Variants in NECAB2 observed in about 807,000 individuals in gnomAD.
NECAB2 encodes the protein N-terminal EF-hand calcium binding protein 2.
A neutral mutation model predicts 51.9 loss-of-function variants in NECAB2; 68 were observed. The observed-to-expected ratio is 1.31, with a 90% CI of 1.08 to 1.60. NECAB2 has a LOEUF of 1.60. Among genes scored for constraint, NECAB2 ranks in the 40% most tolerant of loss-of-function variants. The probability of loss-of-function intolerance (pLI) is 0.00; values close to 1 mark genes in which losing one functional copy is unlikely to be tolerated. For missense variants in NECAB2, 854 were observed against 490.3 expected, an observed-to-expected ratio of 1.74 and a Z score of -7.00; for synonymous variants, 329 against 203.5, an observed-to-expected ratio of 1.62 and a Z score of -5.25.
intron 5 of NECAB2, among the ~76,000 whole-genome samples, chr16:83,985,474 A>G (rs1446803067): frequency 1.3e-5 from 2 of 151,506 alleles, no homozygotes; most frequent in East Asian, 1.9e-4. Flanking sequence ...CTCTACTAAA[A>G]ATACAAAAAT....
At position 84,001,850 on chromosome 16, in the gene NECAB2, G is replaced by A. The variant is rs2084843379; in HGVS notation, c.1066G>A (p.Ala356Thr). Residue 356 changes from alanine (A) to threonine (T), a missense_variant, in exon 12 of 13, where the codon GCG becomes ACG. Transcript: ENST00000305202. ...GCACCTGCAGAGCCCCCTGTGTAAG[G>A]CGTTCCGGCACGTCAAGGTGGACAC... ...KRHLQSPLCKAFRHVKVDTLS... is the reference protein window; with the variant it reads ...KRHLQSPLCKTFRHVKVDTLS... The A allele has an allele frequency of 1.2e-6, 2 of 1,614,126 alleles. No individual in the cohort carries two copies. The highest frequency in any genetic ancestry group is 4.5e-5 in the East Asian group (2 of 44,880).
chr16:83,968,004 G>T (rs890009010), upstream of NECAB2, among the ~76,000 whole-genome samples: 1 of 151,512 alleles, frequency 6.6e-6, no homozygotes, highest in Non-Finnish European at 1.5e-5. Flanking sequence ...ATGGATGGAC[G>T]GACAGGTGGG....
At chr16:83,976,031 G>A (rs549520427) in intron 2 of NECAB2, among the ~76,000 whole-genome samples, 1 of 152,260 alleles carries the variant, frequency 6.6e-6, no homozygotes, top group South Asian at 2.1e-4. Flanking sequence ...GTGTGCCGAG[G>A]GGGCACCTTG....
intron 2 of NECAB2, among the ~76,000 whole-genome samples, chr16:83,972,490 G>A (rs1226404554): frequency 3.9e-5 from 6 of 152,192 alleles, no homozygotes; most frequent in African/African-American, 1.4e-4. Flanking sequence ...TAGCTGGGCT[G>A]GACCAGAGGA....
Position 84,000,722 on chromosome 16 carries a change from A to G in NECAB2, c.963-2A>G, listed in dbSNP as rs2151103403. ...CCTCCCCCCGACCATCTCCTGTTGCAGCATCACTGCCGTGAGGCTCTCAGA... is the reference window on the plus strand; with the variant it reads ...CCTCCCCCCGACCATCTCCTGTTGCGGCATCACTGCCGTGAGGCTCTCAGA... On this transcript the variant is annotated splice_acceptor_variant, in intron 10 of 12. Coordinates refer to ENST00000305202, the MANE Select transcript of NECAB2 (RefSeq NM_019065.3). LOFTEE classifies it high-confidence loss of function. 2 of 1,613,796 alleles carry G rather than the reference A, an allele frequency of 1.2e-6. No individual in the cohort carries two copies. Among genetic ancestry groups the G allele is most frequent in the South Asian group, 2.2e-5 (2 of 91,068 alleles).
chr16:83,983,884 GTC>G (rs1285705333), intron 5 of NECAB2, among the ~76,000 whole-genome samples: 1 of 151,960 alleles, frequency 6.6e-6, no homozygotes, highest in Non-Finnish European at 1.5e-5. Context: ...TAACGCTTGG[GTC>G]TCAGTGTTAA....
At position 84,000,740 on chromosome 16, in the gene NECAB2, C is replaced by G. The variant is rs1047210739; in HGVS notation, c.979C>G (p.Leu327Val). ...RNCFHITAVR[L>V]SDGFTFVIYE... Reference sequence around the variant, plus strand: ...CTGTTGCAGCATCACTGCCGTGAGGCTCTCAGATGGCTTCACCTTTGTCAT... The same window carrying G: ...CTGTTGCAGCATCACTGCCGTGAGGGTCTCAGATGGCTTCACCTTTGTCAT... Residue 327 changes from leucine to valine, a missense_variant, in exon 11 of 13, where the codon CTC (leucine) becomes GTC (valine). By Grantham distance (32) the Leu-to-Val change is conservative. Coordinates refer to ENST00000305202, the MANE Select transcript of NECAB2 (RefSeq NM_019065.3). 4 of 1,613,898 alleles carry G rather than the reference C, an allele frequency of 2.5e-6. No homozygotes were observed. Among genetic ancestry groups the G allele is most frequent in the African/African-American group, 2.7e-5 (2 of 75,042 alleles).
chr16:83,994,775 G>T, intron 8 of NECAB2, 87 bp downstream of exon 8: 2 of 1,429,256 alleles, frequency 1.4e-6, no homozygotes, highest in Non-Finnish European at 1.9e-6. Context: ...CAAAAGTCTG[G>T]GCTGCAGAGG....
At chr16:83,974,633 G>A (rs551762586) in intron 2 of NECAB2, among the ~76,000 whole-genome samples, 13 of 152,288 alleles carry the variant, frequency 8.5e-5, no homozygotes, top group African/African-American at 2.4e-4. Context: ...TCCAGATGAC[G>A]AAAACAAGGC....
intron 1 of NECAB2, 111 bp downstream of exon 1, chr16:83,968,960 G>C (rs2084319778): frequency 7.9e-6 from 5 of 632,258 alleles, no homozygotes; most frequent in Non-Finnish European, 1.0e-5. Flanking sequence ...TCCCTACCCG[G>C]GCAGGAGACC....
chr16:83,994,840 A>G, intron 8 of NECAB2, 152 bp downstream of exon 8: 1 of 904,840 alleles, frequency 1.1e-6, no homozygotes, highest in South Asian at 1.6e-5. Flanking sequence ...GCTGCCGAGG[A>G]CGAAGCTAAG....
In NECAB2 at chr16:84,002,626, C is replaced by A; in HGVS notation, c.*280C>A. On this transcript the variant is annotated 3_prime_UTR_variant, in exon 13 of 13. Coordinates refer to ENST00000305202, the MANE Select transcript of NECAB2 (RefSeq NM_019065.3). ...TCCTGGTCCTGGCCTCTCCCCTACC[C>A]CTCACATGGCCACGCATGACCCACA... The A allele has an allele frequency of 1.8e-6, 1 of 546,516 alleles. No homozygotes were observed. Among genetic ancestry groups the A allele is most frequent in the East Asian group, 3.2e-5 (1 of 31,154 alleles). The allele number at this position is 546,516 out of a possible 1,614,324, so 33.9% of individuals were successfully genotyped here.
intron 5 of NECAB2, 105 bp downstream of exon 5, chr16:83,981,232 C>T (rs1200948323): frequency 1.6e-5 from 16 of 1,019,576 alleles, no homozygotes; most frequent in Non-Finnish European, 2.4e-5. Flanking sequence ...GCCAGGGAGG[C>T]CTATCTCAGG....
At chr16:83,966,374 T>A (rs2084280823), upstream of NECAB2, 1 of 263,428 alleles carries the variant, frequency 3.8e-6, no homozygotes, top group Non-Finnish European at 7.2e-6. Flanking sequence ...GGAGCTGCGT[T>A]CCCGGAACCC....
At chr16:83,973,802 C>T (rs1456204295) in intron 2 of NECAB2, among the ~76,000 whole-genome samples, 1 of 152,068 alleles carries the variant, frequency 6.6e-6, no homozygotes, top group Non-Finnish European at 1.5e-5. Context: ...CTGTGCGTAT[C>T]TCGGTGACTC....
intron 2 of NECAB2, among the ~76,000 whole-genome samples, chr16:83,976,796 G>C (rs117951755): frequency 3.1e-3 from 470 of 152,330 alleles, no homozygotes; most frequent in Middle Eastern, 6.8e-3. Context: ...GGGTTAAAGA[G>C]AAAAGTGGTG....
chr16:83,972,134 G>A lies in NECAB2; in HGVS notation c.202-17G>A, dbSNP rs777241836. 9 of 1,612,980 alleles carry A rather than the reference G, an allele frequency of 5.6e-6. No individual in the cohort carries two copies. Among genetic ancestry groups the A allele is most frequent in the Admixed American group, 3.3e-5 (2 of 60,006 alleles). ...CTCTCCCTGGCCCAGGGCTGACTCC[G>A]CCTCTCTTTTCTGCAGATTTTCCGC... On this transcript the variant is annotated splice_polypyrimidine_tract_variant and intron_variant, in intron 1 of 12. Transcript: ENST00000305202.
chr16:83,994,570 C>CTG, intron 7 of NECAB2, 39 bp from the exon 8 acceptor site: 1 of 1,612,582 alleles, frequency 6.2e-7, no homozygotes, highest in Non-Finnish European at 8.5e-7. Flanking sequence ...CCTCGTCCTG[C>CTG]CCACCACTGA....
At chr16:83,994,808 C>A in intron 8 of NECAB2, 120 bp downstream of exon 8, 2 of 1,166,734 alleles carry the variant, frequency 1.7e-6, no homozygotes, top group Non-Finnish European at 1.2e-6. Flanking sequence ...ATGAAAAAGA[C>A]ATCCCCCAGG....
Sources: allele counts gnomAD v4.1 joint callset (sites outside exome capture counted in the v4.1 genomes callset), GRCh38; gene constraint gnomAD v4.1.1; transcripts MANE v1.5; gene names NCBI Gene and HGNC (gene_info 2026-07-23, HGNC 2026-07-21).